The following PHF21B variants were observed in gnomAD, a reference collection of about 807,000 sequenced individuals.
PHF21B encodes PHD finger protein 4.
PHF21B carries 22 observed loss-of-function variants against 62.2 expected under a neutral mutation model. The observed-to-expected ratio is 0.35, with a 90% CI of 0.25 to 0.51. The LOEUF is 0.51. Ranked by LOEUF, PHF21B falls within the 20% of genes least tolerant of loss-of-function variation. The probability of loss-of-function intolerance (pLI) is 0.97; values close to 1 mark genes in which losing one functional copy is unlikely to be tolerated. For missense variants in PHF21B, 701 were observed against 707.9 expected (o/e 0.99, Z 0.11); for synonymous variants, 341 against 314.7 (o/e 1.08, Z -0.88).
intron 2 of PHF21B, among the ~76,000 whole-genome samples, chr22:44,936,869 T>G (rs1424199175): frequency 1.3e-4 from 8 of 63,476 alleles, no homozygotes; most frequent in Non-Finnish European, 2.1e-4. Context: ...CCACTTTCTT[T>G]CTTTTTTTTT....
intron 2 of PHF21B, among the ~76,000 whole-genome samples, chr22:44,960,587 G>A (rs912574422): frequency 1.3e-5 from 2 of 152,198 alleles, no homozygotes; most frequent in Admixed American, 6.5e-5. Flanking sequence ...CTGGACCATG[G>A]GGTACACAGA....
intron 2 of PHF21B, among the ~76,000 whole-genome samples, chr22:44,946,511 T>A (rs1239956062): frequency 6.6e-6 from 1 of 151,768 alleles, no homozygotes; most frequent in Non-Finnish European, 1.5e-5. Flanking sequence ...TATGGATGGA[T>A]GAAAGGGTGG....
At chr22:44,994,503 T>C (rs893873501) in intron 2 of PHF21B, among the ~76,000 whole-genome samples, 2 of 152,218 alleles carry the variant, frequency 1.3e-5, no homozygotes, top group Non-Finnish European at 2.9e-5. Context: ...TGCTGACACT[T>C]TCCTTTCAGA....
At chr22:45,001,839 G>C (rs1333136716) in intron 2 of PHF21B, 1 of 152,218 alleles carries the variant, frequency 6.6e-6, no homozygotes, top group Non-Finnish European at 1.5e-5. Context: ...CATCATAGAC[G>C]CATCTGCAGA....
chr22:44,972,385 G>A (rs2072655531), intron 2 of PHF21B, among the ~76,000 whole-genome samples: 2 of 152,220 alleles, frequency 1.3e-5, no homozygotes, highest in African/African-American at 4.8e-5. Flanking sequence ...TGTTAAGAGG[G>A]GAAAAAACCT....
At position 44,917,142 on chromosome 22, in the gene PHF21B, G is replaced by A. The variant is rs758672347; in HGVS notation, c.214-512C>T. ...ACCAGAGCTGAGCCCGCGTGACTGC[G>A]GCGGGCCTGACAGTGAAGGTGTGCA... is the stretch of plus-strand genomic sequence containing the variant. On this transcript the variant is annotated intron_variant, in intron 3 of 12. Coordinates refer to ENST00000313237, the MANE Select transcript of PHF21B (RefSeq NM_138415.5). 3.9e-5 allele frequency among the ~76,000 whole-genome samples: 6 copies of A among 152,338 alleles called. 1 individual carries two copies. Among genetic ancestry groups the A allele is most frequent in the African/African-American group, 1.2e-4 (5 of 41,592 alleles).
At chr22:44,885,819 G>C (rs376379587) in intron 11 of PHF21B, 44 bp downstream of exon 11, 25 of 1,581,680 alleles carry the variant, frequency 1.6e-5, no homozygotes, top group Non-Finnish European at 2.2e-5. Context: ...GGTGGGGGAG[G>C]AGGGGGAGCA....
intron 2 of PHF21B, among the ~76,000 whole-genome samples, chr22:44,996,960 A>G (rs2073133787): frequency 6.6e-6 from 1 of 152,022 alleles, no homozygotes; most frequent in Non-Finnish European, 1.5e-5. Flanking sequence ...TCCCCGTTCT[A>G]CTTTTCACCA....
At chr22:44,933,826 C>T (rs775052234) in intron 2 of PHF21B, among the ~76,000 whole-genome samples, 3 of 152,078 alleles carry the variant, frequency 2.0e-5, no homozygotes, top group African/African-American at 4.8e-5. Flanking sequence ...TACCCTGCAC[C>T]GCGAGGGAAG....
intron 1 of PHF21B, chr22:45,008,907 TGTGA>T (rs1382922069): frequency 1.3e-5 from 15 of 1,124,298 alleles, no homozygotes; most frequent in African/African-American, 1.7e-5. Context: ...TGCGAGTGAG[TGTGA>T]GTGTGAGTGT....
At chr22:44,980,025 C>T (rs934665077) in intron 2 of PHF21B, among the ~76,000 whole-genome samples, 11 of 129,940 alleles carry the variant, frequency 8.5e-5, no homozygotes, top group African/African-American at 2.1e-4. Context: ...GCTAAGATCA[C>T]GCCACTGCAC....
At chr22:44,954,194 A>G (rs1355416935) in intron 2 of PHF21B, among the ~76,000 whole-genome samples, 1 of 130,304 alleles carries the variant, frequency 7.7e-6, no homozygotes, top group Non-Finnish European at 1.6e-5. Flanking sequence ...TCTTGTTGTT[A>G]AAAAAAAAAT....
intron 9 of PHF21B, among the ~76,000 whole-genome samples, chr22:44,888,593 C>CG (rs1338419993): frequency 6.6e-6 from 1 of 152,184 alleles, no homozygotes; most frequent in African/African-American, 2.4e-5. Context: ...GGAGGGGCGG[C>CG]GTAGCCCCGG....
At chr22:44,946,615 ATGGATGGATGGG>A (rs1294339162) in intron 2 of PHF21B, among the ~76,000 whole-genome samples, 9 of 151,780 alleles carry the variant, frequency 5.9e-5, no homozygotes, top group African/African-American at 2.2e-4. Context: ...CAGTGGTTGT[ATGGATGGATGGG>A]TGGATGGATG....
intron 2 of PHF21B, among the ~76,000 whole-genome samples, chr22:44,997,840 C>G (rs1164528809): frequency 6.6e-6 from 1 of 152,208 alleles, no homozygotes; most frequent in Non-Finnish European, 1.5e-5. Flanking sequence ...GCGGCCTCCT[C>G]AGGGAGGTCC....
chr22:44,959,091 C>T (rs2072364879), intron 2 of PHF21B, among the ~76,000 whole-genome samples: 1 of 152,126 alleles, frequency 6.6e-6, no homozygotes, highest in Non-Finnish European at 1.5e-5. Context: ...TCTTCTGCTT[C>T]CTGCATGGCC....
chr22:44,972,793 C>T (rs577102004), intron 2 of PHF21B, among the ~76,000 whole-genome samples: 1 of 152,262 alleles, frequency 6.6e-6, no homozygotes, highest in African/African-American at 2.4e-5. Context: ...AAGCTGTGTG[C>T]AAAGGAGCTG....
chr22:44,941,394 A>T (rs988404565), intron 2 of PHF21B, among the ~76,000 whole-genome samples: 1 of 151,980 alleles, frequency 6.6e-6, no homozygotes, highest in Non-Finnish European at 1.5e-5. Flanking sequence ...TCCCTCTGTG[A>T]CTCGGCCTCT....
chr22:44,984,098 C>A (rs915712474), intron 2 of PHF21B, among the ~76,000 whole-genome samples: 6 of 148,354 alleles, frequency 4.0e-5, no homozygotes, highest in Non-Finnish European at 6.0e-5. Flanking sequence ...ATCATCATCA[C>A]CATCATCACC....
Sources: allele counts gnomAD v4.1 joint callset (sites outside exome capture counted in the v4.1 genomes callset), GRCh38; gene constraint gnomAD v4.1.1; transcripts MANE v1.5; gene names NCBI Gene and HGNC (gene_info 2026-07-23, HGNC 2026-07-21).